CDYL: variants seen among roughly 807,000 people sequenced by gnomAD.
CDYL encodes chromodomain Y-like protein.
CDYL carries 8 observed loss-of-function variants against 47.3 expected under a neutral mutation model. The observed-to-expected ratio is 0.17, with a 90% CI of 0.10 to 0.31. The LOEUF is 0.31. Ranked by LOEUF, CDYL falls within the 10% of genes least tolerant of loss-of-function variation. The pLI is 1.00. For missense variants in CDYL, 471 were observed against 701.4 expected, an observed-to-expected ratio of 0.67 and a Z score of 3.71; for synonymous variants, 266 against 265.0, an observed-to-expected ratio of 1.00 and a Z score of -0.04.
chr6:4,831,076 G>A (rs1243288552), intron 1 of CDYL, among the ~76,000 whole-genome samples: 1 of 152,052 alleles, frequency 6.6e-6, no homozygotes, highest in African/African-American at 2.4e-5. Context: ...TTGTGCATGT[G>A]TCTTTATAGC....
chr6:4,900,787 A>ATATG (rs1280830298), intron 2 of CDYL, among the ~76,000 whole-genome samples: 1 of 47,084 alleles, frequency 2.1e-5, no homozygotes, highest in African/African-American at 1.1e-4. Context: ...GTGTATATAT[A>ATATG]TATATATATA....
chr6:4,820,078 C>T (rs947394190), intron 1 of CDYL, among the ~76,000 whole-genome samples: 5 of 152,116 alleles, frequency 3.3e-5, no homozygotes, highest in African/African-American at 1.2e-4. Flanking sequence ...TAATCCATCT[C>T]CCTCTGTGTT....
intron 1 of CDYL, among the ~76,000 whole-genome samples, chr6:4,846,201 G>C (rs1412819910): frequency 6.9e-6 from 1 of 144,478 alleles, no homozygotes; most frequent in Non-Finnish European, 1.5e-5. Flanking sequence ...AAAAAAAAAG[G>C]TGGATATGGC....
rs150521050 is a variant in CDYL, at chr6:4,743,015, C to T, written c.186+8171C>T. ...AGTCAATTCCAAGTGTGGGTTACTA[C>T]AGCCTAACACTGCGTCCAGAAACAC... On this transcript the variant is annotated intron_variant, in intron 3 of 8. Coordinates refer to the CDYL transcript ENST00000328908. Among the ~76,000 whole-genome samples, 112 of 152,374 alleles carry T rather than the reference C, an allele frequency of 7.4e-4. 1 individual carries two copies. The South Asian group carries it at 0.016, about 22-fold the overall frequency.
rs534899495 is a variant in CDYL at position 4,769,106 on chromosome 6, C to A, written c.186+34262C>A. 1.2e-4 allele frequency among the ~76,000 whole-genome samples: 19 copies of A among 152,158 alleles called. 1 individual carries two copies. The South Asian group carries it at 3.9e-3, about 32-fold the overall frequency. On this transcript the variant is annotated intron_variant, in intron 3 of 8. Transcript: ENST00000328908. ...AGGAGAACTATTAATAGAGGTAATG[C>A]GGCGTCACAGATGGGATCCCGGGGC...
intron 3 of CDYL, among the ~76,000 whole-genome samples, chr6:4,744,832 A>G (rs887775795): frequency 1.3e-5 from 2 of 152,178 alleles, no homozygotes; most frequent in African/African-American, 4.8e-5. Context: ...ATTGTTTGTA[A>G]AGTAGATTTG....
At chr6:4,910,652 T>C (rs1279687032) in intron 2 of CDYL, among the ~76,000 whole-genome samples, 1 of 152,158 alleles carries the variant, frequency 6.6e-6, no homozygotes, top group East Asian at 1.9e-4. Context: ...GGAGCGAGCA[T>C]GTCTGGTTGA....
chr6:4,735,226 C>T (rs1283392704), intron 3 of CDYL, among the ~76,000 whole-genome samples: 1 of 151,304 alleles, frequency 6.6e-6, no homozygotes, highest in African/African-American at 2.4e-5. Flanking sequence ...ATGGAGGTTG[C>T]GGTGAGCTGA....
At chr6:4,835,378 G>C (rs1760268559) in intron 1 of CDYL, among the ~76,000 whole-genome samples, 1 of 152,212 alleles carries the variant, frequency 6.6e-6, no homozygotes, top group Non-Finnish European at 1.5e-5. Context: ...GGTGTCTGCA[G>C]AACAGTGGTT....
At chr6:4,870,968 ACC>A (rs1257178363) in intron 1 of CDYL, among the ~76,000 whole-genome samples, 1 of 152,184 alleles carries the variant, frequency 6.6e-6, no homozygotes, top group Non-Finnish European at 1.5e-5. Context: ...TTTCCACTAA[ACC>A]CAAATTCTAG....
chr6:4,706,276 G>A (rs80044034), intron 1 of CDYL: 5,174 of 152,322 alleles, frequency 0.034, 117 homozygotes, highest in Middle Eastern at 0.078. Flanking sequence ...GAGGAAATGG[G>A]AGGGGAGAGG....
At chr6:4,762,518 A>G (rs1438933537) in intron 3 of CDYL, among the ~76,000 whole-genome samples, 11 of 151,990 alleles carry the variant, frequency 7.2e-5, no homozygotes, top group Non-Finnish European at 7.4e-5. Flanking sequence ...CACTGACTTC[A>G]AACTAATGAT....
chr6:4,870,454 C>T (rs1167641553), intron 1 of CDYL, among the ~76,000 whole-genome samples: 2 of 152,020 alleles, frequency 1.3e-5, no homozygotes, highest in Non-Finnish European at 2.9e-5. Flanking sequence ...CTTTAGCTTC[C>T]ACCAGTTTAA....
intron 1 of CDYL, among the ~76,000 whole-genome samples, chr6:4,889,248 G>A (rs956404870): frequency 1.3e-5 from 2 of 150,766 alleles, no homozygotes; most frequent in Non-Finnish European, 2.9e-5. Flanking sequence ...TTTTTGAGAC[G>A]GAGTCTTGCA....
At chr6:4,808,434 T>C (rs564606710) in intron 1 of CDYL, among the ~76,000 whole-genome samples, 2 of 152,382 alleles carry the variant, frequency 1.3e-5, no homozygotes, top group South Asian at 4.1e-4. Context: ...CTCCGCTGTC[T>C]GTAATACATT....
intron 1 of CDYL, among the ~76,000 whole-genome samples, chr6:4,710,271 T>C (rs991487139): frequency 2.0e-5 from 3 of 151,202 alleles, no homozygotes; most frequent in African/African-American, 7.3e-5. Context: ...TTTTCCATTT[T>C]GATTGCTGCT....
intron 2 of CDYL, among the ~76,000 whole-genome samples, chr6:4,720,454 C>T (rs1389554544): frequency 1.3e-5 from 2 of 152,112 alleles, no homozygotes; most frequent in Admixed American, 6.6e-5. Flanking sequence ...ATGCTCAGGT[C>T]AATGTCTTTC....
intron 2 of CDYL, among the ~76,000 whole-genome samples, chr6:4,934,588 T>C (rs1219199152): frequency 1.3e-5 from 2 of 152,232 alleles, no homozygotes; most frequent in Non-Finnish European, 1.5e-5. Flanking sequence ...TACATTTCAT[T>C]CCTTTTTTCC....
intron 3 of CDYL, among the ~76,000 whole-genome samples, chr6:4,771,369 C>T (rs1043752369): frequency 2.0e-5 from 3 of 152,142 alleles, no homozygotes. Context: ...CTGCCTTGGC[C>T]TCCTAAAGTT....
Sources: gnomAD v4.1 joint callset for allele counts (sites outside exome capture counted in the v4.1 genomes callset) on GRCh38, gnomAD v4.1.1 for gene constraint, MANE v1.5 for transcripts, NCBI Gene and HGNC (gene_info 2026-07-23, HGNC 2026-07-21) for gene names.